The following STS variants were observed in gnomAD, a reference collection of about 807,000 sequenced individuals.
STS encodes steroid sulfatase.
A neutral mutation model predicts 26.8 loss-of-function variants in STS; 7 were observed. The ratio of observed to expected loss-of-function variants is 0.26; its 90% CI spans 0.15 to 0.49. STS has a LOEUF of 0.49. STS is among the 20% of genes least tolerant of loss of function. STS has a pLI of 0.98. For missense variants in STS, 434 were observed against 465.6 expected, an observed-to-expected ratio of 0.93 and a Z score of 0.63; for synonymous variants, 199 against 189.4, an observed-to-expected ratio of 1.05 and a Z score of -0.42.
In STS at chrX:7,201,254, T is replaced by C. The variant is rs771961054; in HGVS notation, c.-5+10246T>C. On this transcript the variant is annotated intron_variant, in intron 2 of 10. Coordinates refer to ENST00000674429, the MANE Select transcript of STS (RefSeq NM_001320752.2). The stretch of plus-strand genomic sequence containing the variant: ...GATATATAGGTTGATGTCAGATAGA[T>C]GGATGGATAGATAGATAGCAGTTTC... Among the ~76,000 whole-genome samples the C allele has an allele frequency of 1.3e-4, 15 of 111,748 alleles. No individual in the cohort carries two copies. In the South Asian group the frequency reaches 5.3e-3, roughly 39 times the overall value.
intron 2 of STS, among the ~76,000 whole-genome samples, chrX:7,227,487 A>G (rs1921867475): frequency 9.6e-6 from 1 of 104,203 alleles, no homozygotes; most frequent in South Asian, 4.3e-4. Context: ...TTATTTTGCT[A>G]TCTGATGAGA....
At position 7,299,737 on chromosome X, in the gene STS, G is replaced by A. The variant is rs761051279; in HGVS notation, c.944-5309G>A. On this transcript the variant is annotated intron_variant, in intron 7 of 10. Coordinates refer to ENST00000674429, the MANE Select transcript of STS (RefSeq NM_001320752.2). The stretch of plus-strand genomic sequence containing the variant: ...ACTCCCTGTACGGCCAGTCCAGGAT[G>A]AAGTGTTTTGGGTGGAATTCCTCAT... Among the ~76,000 whole-genome samples, 10 of 110,787 alleles carry A rather than the reference G, an allele frequency of 9.0e-5. No individual in the cohort carries two copies. In the South Asian group the frequency reaches 3.8e-3, roughly 42 times the overall value.
chrX:7,299,422 T>C, intron 7 of STS, among the ~76,000 whole-genome samples: 1 of 103,089 alleles, frequency 9.7e-6, no homozygotes, highest in Non-Finnish European at 1.9e-5. Flanking sequence ...TAATTTTATA[T>C]ATGTGTATAT....
intron 2 of STS, among the ~76,000 whole-genome samples, chrX:7,203,864 A>G (rs1347325682): frequency 9.0e-6 from 1 of 111,441 alleles, no homozygotes; most frequent in African/African-American, 3.3e-5. Context: ...AGCTCATTGT[A>G]GCCTCAAACT....
chrX:7,177,263 A>C (rs1247294561), intron 1 of STS, among the ~76,000 whole-genome samples: 1 of 110,781 alleles, frequency 9.0e-6, no homozygotes, highest in African/African-American at 3.3e-5. Context: ...ACCTTGATCA[A>C]AATCTTTTGT....
chrX:7,327,508 C>T (rs1300017616), intron 9 of STS, among the ~76,000 whole-genome samples: 5 of 109,374 alleles, frequency 4.6e-5, no homozygotes, highest in Non-Finnish European at 9.5e-5. Context: ...CCCAGCCTCC[C>T]GAGTAGTTGG....
intron 2 of STS, among the ~76,000 whole-genome samples, chrX:7,215,012 A>ATATATATATACG (rs1921219599): frequency 6.0e-5 from 1 of 16,549 alleles, no homozygotes; most frequent in Non-Finnish European, 1.2e-4. Context: ...ATATATACGT[A>ATATATATATACG]TATATATATA....
At chrX:7,262,137 C>T (rs1002321433) in intron 6 of STS, among the ~76,000 whole-genome samples, 18 of 112,082 alleles carry the variant, frequency 1.6e-4, no homozygotes, top group African/African-American at 5.5e-4. Context: ...CTTCTGCTGC[C>T]AGTTTCTGTT....
At chrX:7,192,695 C>T (rs776558192) in intron 2 of STS, among the ~76,000 whole-genome samples, 26 of 112,227 alleles carry the variant, frequency 2.3e-4, no homozygotes, top group African/African-American at 8.1e-4. Context: ...GAGCTGAAAG[C>T]GGGCTTGCAG....
rs1307575262 is a variant in STS at position 7,147,945 on chromosome X, T to A, written c.-272T>A. ...GCGCGGGAGCCCGAGCGTCCCTGCA[T>A]GAACACCGCCCCGCCGCGGCCCCCA... is the stretch of plus-strand genomic sequence containing the variant. On this transcript the variant is annotated 5_prime_UTR_variant, in exon 1 of 11. The change abolishes an upstream ATG in the 5' untranslated region. Transcript: ENST00000674429. The A allele has an allele frequency of 4.8e-6, 3 of 629,637 alleles. No homozygotes were observed. The highest frequency in any genetic ancestry group is 7.3e-6 in the Non-Finnish European group (3 of 412,583). The allele number at this position is 629,637 out of a possible 1,213,427, so 51.9% of individuals were successfully genotyped here.
rs1928783387 is a variant in STS, at chrX:7,351,213, C to T, written c.*952C>T. ...AATCTCTTCCAGTGTAATTCAGAAT[C>T]ATTGGCCTAGAAAGTCTCTGATATT... On this transcript the variant is annotated 3_prime_UTR_variant, in exon 11 of 11. Transcript: ENST00000674429. 1.8e-5 allele frequency: 2 copies of T among 111,933 alleles called. No homozygotes were observed. The highest frequency in any genetic ancestry group is 9.5e-5 in the Admixed American group (1 of 10,544). 9.2% of individuals were successfully genotyped at this position (111,933 alleles called of 1,213,427 possible). A position where few individuals can be genotyped will look rare whatever the true frequency, so the allele number is the denominator to read the frequency against.
intron 10 of STS, among the ~76,000 whole-genome samples, chrX:7,343,711 C>G (rs1381025606): frequency 8.1e-5 from 9 of 111,753 alleles, no homozygotes; most frequent in African/African-American, 2.6e-4. Flanking sequence ...AAGCACCTGC[C>G]CTCTAGCTAG....
chrX:7,350,917 A>G lies in STS; in HGVS notation c.*656A>G, dbSNP rs1431300589. 2 of 112,352 alleles carry G rather than the reference A, an allele frequency of 1.8e-5. No individual in the cohort carries two copies. Among genetic ancestry groups the G allele is most frequent in the Non-Finnish European group, 3.7e-5 (2 of 53,366 alleles). 9.3% of individuals were successfully genotyped at this position (112,352 alleles called of 1,213,427 possible). ...TGCATACATACACACACACACATAC[A>G]GTATATTCTTTCCTCAAAAGGGTTA... On this transcript the variant is annotated 3_prime_UTR_variant, in exon 11 of 11. Transcript: ENST00000674429.
At chrX:7,264,538 A>G (rs1923909646) in intron 6 of STS, among the ~76,000 whole-genome samples, 1 of 111,784 alleles carries the variant, frequency 8.9e-6, no homozygotes, top group Non-Finnish European at 1.9e-5. Flanking sequence ...GACTTCCTGC[A>G]GGTAGACAAA....
intron 7 of STS, 67 bp downstream of exon 7, chrX:7,276,154 G>A: frequency 8.5e-7 from 1 of 1,175,587 alleles, no homozygotes; most frequent in Non-Finnish European, 1.2e-6. Context: ...TTTCTTTCCT[G>A]TGTATTTCTA....
At chrX:7,155,906 TG>T (rs753221939) in intron 1 of STS, among the ~76,000 whole-genome samples, 1 of 111,821 alleles carries the variant, frequency 8.9e-6, no homozygotes, top group Non-Finnish European at 1.9e-5. Flanking sequence ...CTCAGCGCTT[TG>T]GGAGGCTGAG....
chrX:7,240,652 G>A (rs930885347), intron 2 of STS, among the ~76,000 whole-genome samples: 97 of 106,874 alleles, frequency 9.1e-4, no homozygotes, highest in African/African-American at 3.0e-3. Context: ...AATGGGACCA[G>A]TATCTTTCCA....
intron 8 of STS, among the ~76,000 whole-genome samples, chrX:7,320,042 ATTATATATATTTATATATATATT>A (rs1402404640): frequency 2.2e-5 from 2 of 92,835 alleles, no homozygotes; most frequent in Non-Finnish European, 4.1e-5. Context: ...ATATTTATAT[ATTATATATATTTATATATATATT>A]TTATATATAT....
chrX:7,273,180 C>T (rs994429780), intron 6 of STS, among the ~76,000 whole-genome samples: 2 of 111,262 alleles, frequency 1.8e-5, no homozygotes, highest in African/African-American at 6.5e-5. Context: ...AAAATAAGCT[C>T]CAGACCCTAC....
Sources: gnomAD v4.1 joint callset for allele counts (sites outside exome capture counted in the v4.1 genomes callset) on GRCh38, gnomAD v4.1.1 for gene constraint, MANE v1.5 for transcripts, NCBI Gene and HGNC (gene_info 2026-07-23, HGNC 2026-07-21) for gene names.